VEZT: variants seen among roughly 807,000 people sequenced by gnomAD.
The protein encoded by VEZT is vezatin.
VEZT carries 39 observed loss-of-function variants against 79.9 expected under a neutral mutation model. The ratio of observed to expected loss-of-function variants is 0.49; its 90% CI spans 0.38 to 0.64. The LOEUF (loss-of-function observed/expected upper bound fraction) is 0.64, where lower values mean the gene tolerates loss of function less well. Ranked by LOEUF, VEZT falls within the 30% of genes least tolerant of loss-of-function variation. The pLI is 0.00. For missense variants in VEZT, 837 were observed against 893.1 expected (o/e 0.94, Z 0.80); for synonymous variants, 325 against 327.6 (o/e 0.99, Z 0.09).
At chr12:95,258,306 AT>A (rs1397742376) in intron 3 of VEZT, 1 of 455,198 alleles carries the variant, frequency 2.2e-6, no homozygotes. Flanking sequence ...ATCCATATAC[AT>A]TTTTCTGTGA....
intron 1 of VEZT, among the ~76,000 whole-genome samples, chr12:95,247,099 A>G (rs1274647152): frequency 6.6e-6 from 1 of 152,214 alleles, no homozygotes; most frequent in Non-Finnish European, 1.5e-5. Flanking sequence ...AATTATGTTG[A>G]GTGATCAGGT....
At chr12:95,286,436 G>A in intron 8 of VEZT, 1 of 538,262 alleles carries the variant, frequency 1.9e-6, no homozygotes, top group South Asian at 1.5e-5. Flanking sequence ...CATTTCATGA[G>A]CAACATCAAT....
At chr12:95,218,151 G>A in intron 1 of VEZT, 2 of 341,596 alleles carry the variant, frequency 5.9e-6, no homozygotes, top group Non-Finnish European at 1.1e-5. Context: ...GGGCTGGAGC[G>A]GTGTCTCTTC....
chr12:95,269,830 T>C (rs1490731428), intron 5 of VEZT: 1 of 389,866 alleles, frequency 2.6e-6, no homozygotes, highest in Non-Finnish European at 4.4e-6. Flanking sequence ...TTTTTTGTCT[T>C]TTTTTTAGTG....
At chr12:95,250,114 T>C (rs2062310917) in intron 1 of VEZT, among the ~76,000 whole-genome samples, 1 of 150,096 alleles carries the variant, frequency 6.7e-6, no homozygotes, top group African/African-American at 2.4e-5. Context: ...GTGCACAATG[T>C]GCAGGTTAGT....
Position 95,296,201 on chromosome 12 carries a change from T to C in VEZT, c.1774T>C (p.Phe592Leu). The change falls in exon 11 of 12, where the codon TTT becomes CTT. Residue 592 changes from phenylalanine to leucine, a missense_variant. Phe to Leu is a conservative substitution (Grantham distance 22). Transcript: ENST00000436874. ...VLQELKSVLGFKASEAERQKW... is the reference protein window; with the variant it reads ...VLQELKSVLGLKASEAERQKW... ...CCAAGAATTAAAATCTGTGCTGGGA[T>C]TTAAAGCTTCAGAGGCAGAAAGGCA... 2 of 1,587,720 alleles carry C rather than the reference T, an allele frequency of 1.3e-6. No homozygotes were observed. The highest frequency in any genetic ancestry group is 8.6e-7 in the Non-Finnish European group (1 of 1,166,128).
At chr12:95,230,104 C>CAAAA (rs11386464) in intron 1 of VEZT, among the ~76,000 whole-genome samples, 2 of 72,344 alleles carry the variant, frequency 2.8e-5, no homozygotes, top group African/African-American at 4.4e-5. Context: ...GATTCCGTCT[C>CAAAA]AAAAAAAAAA....
chr12:95,270,056 G>C lies in VEZT; in HGVS notation c.716G>C (p.Ser239Thr). 6.2e-7 allele frequency: 1 copy of C among 1,610,692 alleles called. No individual in the cohort carries two copies. The highest frequency in any genetic ancestry group is 8.5e-7 in the Non-Finnish European group (1 of 1,178,446). Residue 239 changes from serine to threonine, a missense_variant, in exon 6 of 12, where the codon AGT (serine) becomes ACT (threonine). By Grantham distance (58) the Ser-to-Thr change is moderately conservative. Transcript: ENST00000436874. ...TTTTCAAGTTTGCTTGACAGGGTCA[G>C]TGCTGCTTGCCCATTTAATAAAGCT... ...EVISRGFTLVSAACPFNKAGQ... is the reference protein window; with the variant it reads ...EVISRGFTLVTAACPFNKAGQ...
intron 11 of VEZT, 80 bp downstream of exon 11, chr12:95,296,338 T>C (rs1384722051): frequency 5.1e-6 from 7 of 1,381,872 alleles, no homozygotes; most frequent in Non-Finnish European, 6.8e-6. Context: ...TTATTTTAGC[T>C]GAAGAATTCT....
chr12:95,255,405 T>TTTA (rs2063305105), intron 2 of VEZT, among the ~76,000 whole-genome samples: 1 of 152,154 alleles, frequency 6.6e-6, no homozygotes, highest in South Asian at 2.1e-4. Context: ...CTTAAAGGCC[T>TTTA]TTATTGTTAT....
chr12:95,291,835 A>G (rs1295150734), intron 9 of VEZT, among the ~76,000 whole-genome samples: 3 of 152,176 alleles, frequency 2.0e-5, no homozygotes, highest in African/African-American at 7.2e-5. Flanking sequence ...TGTGTTGTGC[A>G]GGCTGGAGTG....
intron 11 of VEZT, chr12:95,299,868 T>C (rs1368398324): frequency 1.7e-5 from 3 of 179,114 alleles, no homozygotes; most frequent in Non-Finnish European, 3.5e-5. Flanking sequence ...TAACTGATAA[T>C]GTTGGTTCAG....
At chr12:95,298,012 C>T (rs1268948531) in intron 11 of VEZT, among the ~76,000 whole-genome samples, 1 of 152,008 alleles carries the variant, frequency 6.6e-6, no homozygotes, top group Non-Finnish European at 1.5e-5. Context: ...CCCAGCTGCT[C>T]TGGAGGCTGA....
intron 1 of VEZT, among the ~76,000 whole-genome samples, chr12:95,239,381 G>T (rs1825347174): frequency 1.3e-5 from 2 of 152,148 alleles, no homozygotes; most frequent in South Asian, 4.1e-4. Context: ...TAAATATTTG[G>T]CTAGTGATAA....
chr12:95,274,638 C>T, intron 6 of VEZT, 104 bp from the exon 7 acceptor site: 3 of 1,285,914 alleles, frequency 2.3e-6, no homozygotes, highest in Middle Eastern at 2.0e-4. Context: ...CCTCCTCATC[C>T]AAAAGTTCAG....
intron 11 of VEZT, chr12:95,298,771 TC>T (rs2074724824): frequency 6.6e-6 from 1 of 152,218 alleles, no homozygotes; most frequent in Non-Finnish European, 1.5e-5. Context: ...ATATGTTGCT[TC>T]CTTTAAGAGC....
Position 95,252,088 on chromosome 12 carries a change from ATTCTTTCTGGCCGAATC to A in VEZT, c.168+20_168+36del. On this transcript the variant is annotated intron_variant, in intron 2 of 11. Transcript: ENST00000436874. Reference sequence around the variant, plus strand: ...CTACCAAAAGTAAGAACGCATGCTCATTCTTTCTGGCCGAATCTTTTGCACTTTACCTTACTGGCTAT... The same window carrying A: ...CTACCAAAAGTAAGAACGCATGCTCATTTTGCACTTTACCTTACTGGCTAT... The A allele has an allele frequency of 6.3e-7, 1 of 1,596,590 alleles. No individual in the cohort carries two copies. The highest frequency in any genetic ancestry group is 8.5e-7 in the Non-Finnish European group (1 of 1,173,984).
At chr12:95,234,824 C>G (rs1216019423) in intron 1 of VEZT, among the ~76,000 whole-genome samples, 2 of 152,120 alleles carry the variant, frequency 1.3e-5, no homozygotes, top group Non-Finnish European at 2.9e-5. Context: ...GTGTTTGTGT[C>G]CCTGGGTGCT....
At chr12:95,279,058 G>A (rs12809118) in intron 7 of VEZT, among the ~76,000 whole-genome samples, 4,965 of 152,270 alleles carry the variant, frequency 0.033, 111 homozygotes, top group Non-Finnish European at 0.051. Flanking sequence ...CAACAAGAGC[G>A]AAACTCCGTC....
Sources: gnomAD v4.1 joint callset for allele counts (sites outside exome capture counted in the v4.1 genomes callset) on GRCh38, gnomAD v4.1.1 for gene constraint, MANE v1.5 for transcripts, NCBI Gene and HGNC (gene_info 2026-07-23, HGNC 2026-07-21) for gene names.